LDLRAD4: variants seen among roughly 807,000 people sequenced by gnomAD.
LDLRAD4 encodes the protein low density lipoprotein receptor class A domain containing 4.
Under a neutral mutation model 17.0 loss-of-function variants are expected in LDLRAD4, and 5 were observed. The observed-to-expected ratio is 0.29, with a 90% CI of 0.15 to 0.62. LDLRAD4 has a LOEUF of 0.62. Ranked by LOEUF, LDLRAD4 falls within the 20% of genes least tolerant of loss-of-function variation. The pLI is 0.84. For synonymous variants in LDLRAD4, 168 were observed against 171.8 expected, an observed-to-expected ratio of 0.98 and a Z score of 0.17; for missense variants, 340 against 424.7, an observed-to-expected ratio of 0.80 and a Z score of 1.75.
chr18:13,599,733 C>T (rs546663611), intron 3 of LDLRAD4, among the ~76,000 whole-genome samples: 7 of 152,068 alleles, frequency 4.6e-5, no homozygotes, highest in South Asian at 2.1e-4. Flanking sequence ...CCTCGTGATC[C>T]GCCTGTCTTG....
intron 1 of LDLRAD4, among the ~76,000 whole-genome samples, chr18:13,320,112 G>A (rs1011526021): frequency 6.6e-6 from 1 of 152,220 alleles, no homozygotes; most frequent in African/African-American, 2.4e-5. Context: ...TTTAGGATGA[G>A]ATAACATATT....
intron 2 of LDLRAD4, chr18:13,419,935 A>G (rs1037264323): frequency 7.2e-5 from 11 of 152,220 alleles, no homozygotes; most frequent in Non-Finnish European, 1.5e-4. Context: ...GCCAAGAGCT[A>G]TGGGTGAGGA....
chr18:13,536,566 G>A (rs1316536327), intron 3 of LDLRAD4, among the ~76,000 whole-genome samples: 1 of 151,028 alleles, frequency 6.6e-6, no homozygotes, highest in Non-Finnish European at 1.5e-5. Context: ...GAACAGAGAC[G>A]CTGTTTTACA....
chr18:13,475,417 C>T (rs1258979037), intron 3 of LDLRAD4, among the ~76,000 whole-genome samples: 2 of 143,500 alleles, frequency 1.4e-5, no homozygotes, highest in African/African-American at 5.2e-5. Context: ...CTCGCCACCA[C>T]ACCCCGCTGA....
At chr18:13,405,491 T>C (rs1378819943) in intron 2 of LDLRAD4, among the ~76,000 whole-genome samples, 1 of 152,170 alleles carries the variant, frequency 6.6e-6, no homozygotes, top group Non-Finnish European at 1.5e-5. Context: ...GATGCAATCA[T>C]AGCTCACTGC....
chr18:13,534,989 T>C (rs1045252375), intron 3 of LDLRAD4, among the ~76,000 whole-genome samples: 7 of 152,246 alleles, frequency 4.6e-5, no homozygotes, highest in Admixed American at 3.3e-4. Flanking sequence ...CTCATCCATA[T>C]AATGGTGTGT....
intron 3 of LDLRAD4, chr18:13,561,924 C>G (rs2094545705): frequency 6.6e-6 from 1 of 152,178 alleles, no homozygotes; most frequent in Non-Finnish European, 1.5e-5. Flanking sequence ...AAAAACCAAA[C>G]ATGTTCAACA....
intron 1 of LDLRAD4, among the ~76,000 whole-genome samples, chr18:13,299,737 G>A (rs1392733909): frequency 6.6e-6 from 1 of 152,176 alleles, no homozygotes; most frequent in Non-Finnish European, 1.5e-5. Flanking sequence ...AGCTACTCAG[G>A]AGGCTGAAGC....
chr18:13,354,716 A>C (rs2083239704), intron 1 of LDLRAD4, among the ~76,000 whole-genome samples: 1 of 152,208 alleles, frequency 6.6e-6, no homozygotes, highest in Non-Finnish European at 1.5e-5. Context: ...AATGGAGTTA[A>C]ACTTTCTTTT....
chr18:13,387,421 C>A (rs1033770126), exon 2 of LDLRAD4: 1 of 323,292 alleles, frequency 3.1e-6, no homozygotes, highest in Non-Finnish European at 5.7e-6. Flanking sequence ...ATGCTGGCAG[C>A]GGCGTGGCCA....
chr18:13,357,562 T>G (rs987200965), intron 1 of LDLRAD4, among the ~76,000 whole-genome samples: 4 of 152,222 alleles, frequency 2.6e-5, no homozygotes, highest in Non-Finnish European at 5.9e-5. Flanking sequence ...GGTAGCTGTA[T>G]TAGGAAGCTT....
chr18:13,559,635 T>C (rs2094519382), intron 3 of LDLRAD4, among the ~76,000 whole-genome samples: 1 of 152,194 alleles, frequency 6.6e-6, no homozygotes, highest in African/African-American at 2.4e-5. Context: ...CATATGTATG[T>C]ATGTACATTT....
At chr18:13,523,309 G>C (rs562956153) in intron 3 of LDLRAD4, among the ~76,000 whole-genome samples, 1 of 152,330 alleles carries the variant, frequency 6.6e-6, no homozygotes, top group South Asian at 2.1e-4. Context: ...AATCAGGTGA[G>C]TCTTTAGGGG....
chr18:13,332,282 C>G (rs1779316425), intron 1 of LDLRAD4, among the ~76,000 whole-genome samples: 1 of 152,256 alleles, frequency 6.6e-6, no homozygotes, highest in Admixed American at 6.5e-5. Context: ...AGTTCACAGC[C>G]AAACTGAGCA....
chr18:13,230,324 G>C (rs2042009232), intron 1 of LDLRAD4, among the ~76,000 whole-genome samples: 2 of 152,206 alleles, frequency 1.3e-5, no homozygotes, highest in South Asian at 4.1e-4. Flanking sequence ...GCTGGACTGA[G>C]ACATAGACCT....
Position 13,321,861 on chromosome 18 carries a change from C to CAAAAAAAAA in LDLRAD4, c.-383+43706_-383+43714dup, listed in dbSNP as rs57033432. Among the ~76,000 whole-genome samples the CAAAAAAAAA allele has an allele frequency of 3.4e-3, 213 of 62,118 alleles. 6 individuals are homozygous for CAAAAAAAAA. Among genetic ancestry groups the CAAAAAAAAA allele is most frequent in the East Asian group, 8.7e-3 (8 of 920 alleles). The allele number at this position is 62,118 out of a possible 152,430, so 40.8% of individuals were successfully genotyped here. ...AGGCAACAACAGCGAGACTCCGTCT[C>CAAAAAAAAA]AAAAAAAAAAAAAAAAAAAAAAAAA... On this transcript the variant is annotated intron_variant, in intron 1 of 5. Transcript: ENST00000359446.
chr18:13,263,121 C>T (rs572615399), intron 1 of LDLRAD4, among the ~76,000 whole-genome samples: 61 of 133,474 alleles, frequency 4.6e-4, no homozygotes, highest in African/African-American at 1.8e-3. Flanking sequence ...GAGTCCTGTG[C>T]GGCTCTGTGC....
At chr18:13,219,555 A>G (rs1406885982) in intron 1 of LDLRAD4, among the ~76,000 whole-genome samples, 2 of 152,162 alleles carry the variant, frequency 1.3e-5, no homozygotes, top group Non-Finnish European at 2.9e-5. Flanking sequence ...GTAGGATGTG[A>G]GGTAAGAGTA....
intron 1 of LDLRAD4, among the ~76,000 whole-genome samples, chr18:13,255,964 C>T (rs1216769781): frequency 6.6e-6 from 1 of 152,192 alleles, no homozygotes; most frequent in East Asian, 1.9e-4. Flanking sequence ...TTTTATCACT[C>T]TTGTTCATCA....
Sources: allele counts gnomAD v4.1 joint callset (sites outside exome capture counted in the v4.1 genomes callset), GRCh38; gene constraint gnomAD v4.1.1; transcripts MANE v1.5; gene names NCBI Gene and HGNC (gene_info 2026-07-23, HGNC 2026-07-21).